ZNF226: variants seen among roughly 807,000 people sequenced by gnomAD.
ZNF226 encodes Kruppel-associated box protein.
In ZNF226, 6 loss-of-function variants were observed where a neutral mutation model predicts 11.4. The ratio of observed to expected loss-of-function variants is 0.53; its 90% CI spans 0.29 to 1.04. ZNF226 has a LOEUF of 1.04. Among genes scored for constraint, ZNF226 ranks in the 50% least tolerant of loss-of-function variants. The probability of loss-of-function intolerance (pLI) is 0.08; values close to 1 mark genes in which losing one functional copy is unlikely to be tolerated. For missense variants in ZNF226, 1,058 were observed against 956.5 expected (o/e 1.11, Z -1.40); for synonymous variants, 350 against 322.8 (o/e 1.08, Z -0.90).
chr19:44,177,493 C>A lies in ZNF226; in HGVS notation c.2231C>A (p.Ser744Tyr), dbSNP rs1970804755. The change falls in exon 6 of 6, where the codon TCT becomes TAT. Residue 744 changes from serine to tyrosine, a missense_variant. Ser to Tyr is a moderately radical substitution (Grantham distance 144). Transcript: ENST00000337433. ...TTCAGTCGGTCTTCACAACTACAGT[C>A]TCATCAGCGAGTTCACACTGGGGAG... Reference protein sequence around the residue: ...KVFSRSSQLQSHQRVHTGEKP... With the variant: ...KVFSRSSQLQYHQRVHTGEKP... 1.2e-6 allele frequency: 2 copies of A among 1,614,148 alleles called. No homozygotes were observed. Among genetic ancestry groups the A allele is most frequent in the Non-Finnish European group, 1.7e-6 (2 of 1,180,006 alleles).
At chr19:44,171,627 A>G (rs952788822) in intron 3 of ZNF226, among the ~76,000 whole-genome samples, 1 of 152,258 alleles carries the variant, frequency 6.6e-6, no homozygotes, top group African/African-American at 2.4e-5. Context: ...GGAAAACTAA[A>G]GATCCGGGAT....
At chr19:44,169,906 T>C (rs559561820) in intron 2 of ZNF226, 129 bp from the exon 3 acceptor site, 2 of 519,094 alleles carry the variant, frequency 3.9e-6, no homozygotes, top group Admixed American at 3.3e-5. Flanking sequence ...CATGTCATAA[T>C]CTGCTTAAAA....
Position 44,177,589 on chromosome 19 carries a change from T to C in ZNF226, c.2327T>C (p.Ile776Thr), listed in dbSNP as rs778997671. ...WRSNLTVHHRIHVGDKSYKSN... is the reference protein window; with the variant it reads ...WRSNLTVHHRTHVGDKSYKSN... The stretch of plus-strand genomic sequence containing the variant: ...TCAAATCTTACAGTTCATCACAGAA[T>C]CCATGTTGGTGATAAATCCTATAAA... Residue 776 changes from isoleucine (I) to threonine (T), a missense_variant, in exon 6 of 6, where the codon ATC becomes ACC. Transcript: ENST00000337433. 3 of 1,613,846 alleles carry C rather than the reference T, an allele frequency of 1.9e-6. No individual in the cohort carries two copies. Among genetic ancestry groups the C allele is most frequent in the South Asian group, 1.1e-5 (1 of 91,082 alleles).
chr19:44,176,743 A>G lies in ZNF226; in HGVS notation c.1481A>G (p.Gln494Arg), dbSNP rs758212263. The change falls in exon 6 of 6, where the codon CAG (glutamine) becomes CGG (arginine). Residue 494 changes from glutamine to arginine, a missense_variant. Coordinates refer to ENST00000337433, the MANE Select transcript of ZNF226 (RefSeq NM_001032373.2). ...FTLSSNLQAH[Q>R]RVHTGEKPYK... ...CTGAGTTCAAATCTTCAAGCCCATC[A>G]GAGAGTCCACACTGGAGAGAAGCCA... is the stretch of plus-strand genomic sequence containing the variant. The G allele has an allele frequency of 1.2e-6, 2 of 1,614,216 alleles. No homozygotes were observed. Among genetic ancestry groups the G allele is most frequent in the Admixed American group, 3.3e-5 (2 of 60,032 alleles).
downstream of ZNF226, chr19:44,178,413 A>T (rs1183558353): frequency 6.6e-6 from 1 of 152,246 alleles, no homozygotes. Flanking sequence ...TTTTTAGTAG[A>T]TGTTGATCAT....
intron 2 of ZNF226, among the ~76,000 whole-genome samples, chr19:44,168,733 A>G (rs998941110): frequency 6.6e-6 from 1 of 152,124 alleles, no homozygotes; most frequent in Non-Finnish European, 1.5e-5. Flanking sequence ...GGTTTGTCCC[A>G]CTAGTGGTCT....
chr19:44,177,951 CAG>C (rs1195493353), downstream of ZNF226: 2 of 304,210 alleles, frequency 6.6e-6, no homozygotes, highest in East Asian at 6.1e-5. Flanking sequence ...TCCATAAAGA[CAG>C]AAACTTTGTT....
In ZNF226 at chr19:44,176,709, G is replaced by T. The variant is rs1310884258; in HGVS notation, c.1447G>T (p.Gly483Cys). The change falls in exon 6 of 6, where the codon GGC (glycine) becomes TGC (cysteine). Residue 483 changes from glycine (G) to cysteine (C), a missense_variant. Transcript: ENST00000337433. ...ATACATATGTACTGTATGTGGGAAA[G>T]GCTTTACTCTGAGTTCAAATCTTCA... ...KSYICTVCGK[G>C]FTLSSNLQAH... 3.1e-6 allele frequency: 5 copies of T among 1,614,024 alleles called. No homozygotes were observed. The East Asian group carries it at 6.7e-5, about 22-fold the overall frequency.
chr19:44,187,661 G>A, the ZNF226 span, among the ~76,000 whole-genome samples: 1,858 of 150,772 alleles, frequency 0.012, 42 homozygotes, highest in African/African-American at 0.043. This position sits in a 1 kb window ranked among gnomAD's most constrained non-coding sequence, Gnocchi z 4.0. Context: ...TATTCCTTCC[G>A]CTGACTTTTG....
At chr19:44,186,354 A>C in the ZNF226 span, among the ~76,000 whole-genome samples, 1 of 151,902 alleles carries the variant, frequency 6.6e-6, no homozygotes, top group African/African-American at 2.4e-5. Flanking sequence ...GTTCCCATTT[A>C]TTTGTATCTT....
chr19:44,182,077 T>A (rs1452950742), downstream of ZNF226, among the ~76,000 whole-genome samples: 1 of 152,188 alleles, frequency 6.6e-6, no homozygotes, highest in Non-Finnish European at 1.5e-5. Context: ...TAGTGAACAG[T>A]GATTCCAGAC....
In ZNF226 at chr19:44,176,961, G is replaced by A; in HGVS notation, c.1699G>A (p.Gly567Ser). The A allele has an allele frequency of 1.2e-6, 2 of 1,613,840 alleles. No homozygotes were observed. The highest frequency in any genetic ancestry group is 1.7e-6 in the Non-Finnish European group (2 of 1,179,854). The change falls in exon 6 of 6, where the codon GGT becomes AGT. Residue 567 changes from glycine (G) to serine (S), a missense_variant. Transcript: ENST00000337433. ...KPFKCEECGQ[G>S]FNQSSRLQIH... Reference sequence around the variant, plus strand: ...TTTTAAGTGTGAGGAGTGTGGGCAGGGTTTCAATCAGAGCTCACGACTTCA... The same window carrying A: ...TTTTAAGTGTGAGGAGTGTGGGCAGAGTTTCAATCAGAGCTCACGACTTCA...
chr19:44,172,928 G>T lies in ZNF226; in HGVS notation c.211G>T (p.Ala71Ser). The T allele has an allele frequency of 1.2e-6, 2 of 1,603,408 alleles. No homozygotes were observed. The highest frequency in any genetic ancestry group is 1.7e-6 in the Non-Finnish European group (2 of 1,174,730). Residue 71 changes from alanine to serine, a missense_variant, in exon 5 of 6, where the codon GCA becomes TCA. Transcript: ENST00000337433. ...TGAGCAGCTTTGGATAATGACGACAGCAACCCGAAGACAGGGAAATTTAGG... is the reference window on the plus strand; with the variant it reads ...TGAGCAGCTTTGGATAATGACGACATCAACCCGAAGACAGGGAAATTTAGG... Reference protein sequence around the residue: ...RNEQLWIMTTATRRQGNLGEK... With the variant: ...RNEQLWIMTTSTRRQGNLGEK...
the ZNF226 span, among the ~76,000 whole-genome samples, chr19:44,188,103 G>A: frequency 5.9e-5 from 9 of 152,246 alleles, no homozygotes; most frequent in South Asian, 8.3e-4. Context: ...TTTTACTGTC[G>A]TTAGGTGAAG....
downstream of ZNF226, among the ~76,000 whole-genome samples, chr19:44,178,834 C>T (rs1599742286): frequency 6.6e-6 from 1 of 152,042 alleles, no homozygotes. Flanking sequence ...TAAAAAGGAT[C>T]CTTGAAAATG....
In ZNF226 at chr19:44,176,224, A is replaced by G. The variant is rs1568571869; in HGVS notation, c.962A>G (p.His321Arg). Residue 321 changes from histidine (H) to arginine (R), a missense_variant, in exon 6 of 6, where the codon CAT becomes CGT. By Grantham distance (29) the His-to-Arg change is conservative. Transcript: ENST00000337433. Reference sequence around the variant, plus strand: ...GGTAAGGAATTCAGTCAGGGCGCTCATCTACAGACCCATCAGAAAGTCCAC... The same window carrying G: ...GGTAAGGAATTCAGTCAGGGCGCTCGTCTACAGACCCATCAGAAAGTCCAC... Reference protein sequence around the residue: ...ECGKEFSQGAHLQTHQKVHVI... With the variant: ...ECGKEFSQGARLQTHQKVHVI... The G allele has an allele frequency of 6.2e-7, 1 of 1,614,234 alleles. No homozygotes were observed. The highest frequency in any genetic ancestry group is 8.5e-7 in the Non-Finnish European group (1 of 1,180,030).
At chr19:44,192,049 A>G in the ZNF226 span, among the ~76,000 whole-genome samples, 1 of 152,222 alleles carries the variant, frequency 6.6e-6, no homozygotes, top group Non-Finnish European at 1.5e-5. Context: ...ACCATATTAT[A>G]GAAAAGATAA....
At chr19:44,171,707 A>G (rs1226600185) in intron 3 of ZNF226, among the ~76,000 whole-genome samples, 1 of 152,348 alleles carries the variant, frequency 6.6e-6, no homozygotes, top group Admixed American at 6.5e-5. Flanking sequence ...GAAACCTGAC[A>G]TGCCCTTTAG....
At chr19:44,166,490 ACT>A (rs1209871990) in intron 2 of ZNF226, among the ~76,000 whole-genome samples, 4 of 152,104 alleles carry the variant, frequency 2.6e-5, no homozygotes, top group Non-Finnish European at 5.9e-5. Context: ...ACTGAGCAAG[ACT>A]CTGTCTCAAA....
Sources: gnomAD v4.1 joint callset for allele counts (sites outside exome capture counted in the v4.1 genomes callset) on GRCh38, gnomAD v4.1.1 for gene constraint, Gnocchi (gnomAD v3.1) non-coding constraint, MANE v1.5 for transcripts, NCBI Gene and HGNC (gene_info 2026-07-23, HGNC 2026-07-21) for gene names.